The following CELSR2 variants were observed in gnomAD, a reference collection of about 807,000 sequenced individuals.
CELSR2 encodes EGF-like protein 2.
In CELSR2, 81 loss-of-function variants were observed where a neutral mutation model predicts 251.6. The ratio of observed to expected loss-of-function variants is 0.32; its 90% CI spans 0.27 to 0.39. The LOEUF is 0.39. CELSR2 is among the 10% of genes least tolerant of loss of function. CELSR2 has a pLI of 1.00. For synonymous variants in CELSR2, 1,721 were observed against 1,670.5 expected, an observed-to-expected ratio of 1.03 and a Z score of -0.74; for missense variants, 3,365 against 3,947.7, an observed-to-expected ratio of 0.85 and a Z score of 3.96.
intron 24 of CELSR2, 95 bp from the exon 25 acceptor site, chr1:109,270,832 C>G: frequency 1.9e-6 from 2 of 1,027,656 alleles, no homozygotes; most frequent in Non-Finnish European, 2.9e-6. Context: ...CTTTTCCATG[C>G]TTCATGCCTG....
In CELSR2 at chr1:109,252,350, G is replaced by C. The variant is rs1394612346; in HGVS notation, c.2271G>C (p.Gln757His). The C allele has an allele frequency of 6.2e-7, 1 of 1,613,060 alleles. No homozygotes were observed. The highest frequency in any genetic ancestry group is 8.5e-7 in the Non-Finnish European group (1 of 1,180,032). Residue 757 changes from glutamine to histidine, a missense_variant, in exon 1 of 34, where the codon CAG becomes CAC. Coordinates refer to ENST00000271332, the MANE Select transcript of CELSR2 (RefSeq NM_001408.3). This position sits in a 1 kb window ranked among gnomAD's most constrained non-coding sequence, Gnocchi z 4.8. ...ACTTCATGGAGGACAGCATCCCCCA[G>C]TTCCGCATCGATGCAGACACGGGGG... ...ITYFMEDSIP[Q>H]FRIDADTGAV...
rs1441854286 is a variant in CELSR2, at chr1:109,258,701, G to A, written c.3580G>A (p.Gly1194Arg). ...SLSVGQPPGP[G>R]GGPPFLPSED... ...GTCGGTGGGCCAGCCGCCAGGGCCC[G>A]GGGGCGGGCCGCCCTTCCTGCCCTC... is the stretch of plus-strand genomic sequence containing the variant. Residue 1194 changes from glycine (G) to arginine (R), a missense_variant, in exon 2 of 34, where the codon GGG becomes AGG. By Grantham distance (125) the Gly-to-Arg change is moderately radical (BLOSUM62 -2). Around this residue, in one of 5 missense-constraint regions of CELSR2, gnomAD observed 2,093 missense variants for 2,382.8 expected, o/e 0.88. Transcript: ENST00000271332. The A allele has an allele frequency of 4.5e-6, 7 of 1,549,662 alleles. No individual in the cohort carries two copies. Among genetic ancestry groups the A allele is most frequent in the Non-Finnish European group, 6.1e-6 (7 of 1,146,476 alleles).
At chr1:109,272,500 C>A in intron 29 of CELSR2, 95 bp downstream of exon 29, 1 of 1,524,926 alleles carries the variant, frequency 6.6e-7, no homozygotes. Context: ...GGAGCACACA[C>A]TGTGGCTGAC....
intron 1 of CELSR2, among the ~76,000 whole-genome samples, chr1:109,256,823 C>G (rs1557729097): frequency 6.6e-6 from 1 of 152,166 alleles, no homozygotes; most frequent in Non-Finnish European, 1.5e-5. Flanking sequence ...CCACGCCCAA[C>G]TAATTTTTGT....
intron 14 of CELSR2, 81 bp from the exon 15 acceptor site, chr1:109,266,024 A>AGGCCTGGGGAGGCCTGGGGT: frequency 2.5e-6 from 4 of 1,586,290 alleles, no homozygotes; most frequent in Middle Eastern, 1.8e-4. Context: ...AGGCCTGGGG[A>AGGCCTGGGGAGGCCTGGGGT]GGCCTAGGGA....
chr1:109,272,251 T>C (rs1656391325), intron 28 of CELSR2, 27 bp from the exon 29 acceptor site: 1 of 1,545,460 alleles, frequency 6.5e-7, no homozygotes, highest in Non-Finnish European at 8.8e-7. Context: ...CACTCCCCAC[T>C]TACTGACCTC....
In CELSR2 at chr1:109,249,930, G is replaced by A. The variant is rs958893426; in HGVS notation, c.-150G>A. 60 of 661,846 alleles carry A rather than the reference G, an allele frequency of 9.1e-5. No homozygotes were observed. The African/African-American group carries it at 1.1e-3, about 12-fold the overall frequency. 41.0% of individuals were successfully genotyped at this position (661,846 alleles called of 1,614,324 possible). On this transcript the variant is annotated 5_prime_UTR_variant, in exon 1 of 34. Coordinates refer to ENST00000271332, the MANE Select transcript of CELSR2 (RefSeq NM_001408.3). ...GGAGGGTGCAGCGCGGGGTCCCGCC[G>A]AGCCATCCAGACGCAGGCCCCGCGG...
chr1:109,255,275 CG>C (rs1235361007), intron 1 of CELSR2, among the ~76,000 whole-genome samples: 1 of 152,200 alleles, frequency 6.6e-6, no homozygotes, highest in East Asian at 1.9e-4. Flanking sequence ...CCTGCCCATG[CG>C]GAGCCCTGCA....
Position 109,269,220 on chromosome 1 carries a change from A to G in CELSR2, c.6742A>G (p.Ser2248Gly), listed in dbSNP as rs778255682. ...GCTGAGCCAGGGTGAGGCTGTGGCC[A>G]GCGTCATCATCTACCGCACCCTGGC... Reference protein sequence around the residue: ...PELSQGEAVASVIIYRTLAGL... With the variant: ...PELSQGEAVAGVIIYRTLAGL... Residue 2248 changes from serine (S) to glycine (G), a missense_variant, in exon 20 of 34, where the codon AGC becomes GGC. By Grantham distance (56) the Ser-to-Gly change is moderately conservative. This residue lies in a region of CELSR2 where 2,093 missense variants were observed against 2,382.8 expected (regional missense o/e 0.88). Coordinates refer to ENST00000271332, the MANE Select transcript of CELSR2 (RefSeq NM_001408.3). The surrounding 1 kb of genome is among the most constrained non-coding windows in gnomAD (Gnocchi z 6.4). 3.1e-6 allele frequency: 5 copies of G among 1,612,918 alleles called. No individual in the cohort carries two copies. The Admixed American group carries it at 8.3e-5, about 27-fold the overall frequency.
At position 109,250,175 on chromosome 1, in the gene CELSR2, C is replaced by T; in HGVS notation, c.96C>T (p.Asp32=). 2 of 1,600,770 alleles carry T rather than the reference C, an allele frequency of 1.2e-6. No homozygotes were observed. Among genetic ancestry groups the T allele is most frequent in the South Asian group, 1.1e-5 (1 of 89,952 alleles). The change falls in exon 1 of 34, where the codon GAC becomes GAT. Residue 32 remains aspartate (D), a synonymous_variant. Coordinates refer to ENST00000271332, the MANE Select transcript of CELSR2 (RefSeq NM_001408.3). The surrounding 1 kb of genome is among the most constrained non-coding windows in gnomAD (Gnocchi z 4.4). ...TGCTGCCGCCGCCACTATTGGGAGA[C>T]CAAGTGGGGCCCTGTCGTTCCTTGG... ...LLLLPPPLLG[D]QVGPCRSLGS...
Position 109,272,838 on chromosome 1 carries a change from G to A in CELSR2, c.8149G>A (p.Asp2717Asn). Reference sequence around the variant, plus strand: ...ATCTCTCCCTGGCCTCCTAGATCCTGACACGGACTCCGACAGTGACCTGTC... The same window carrying A: ...ATCTCTCCCTGGCCTCCTAGATCCTAACACGGACTCCGACAGTGACCTGTC... ...LEGQDQQHDP[D>N]TDSDSDLSLE... The change falls in exon 31 of 34, where the codon GAC becomes AAC. Residue 2717 changes from aspartate to asparagine, a missense_variant. By Grantham distance (23) the Asp-to-Asn change is conservative. Coordinates refer to ENST00000271332, the MANE Select transcript of CELSR2 (RefSeq NM_001408.3). The A allele has an allele frequency of 1.2e-6, 2 of 1,613,206 alleles. No individual in the cohort carries two copies. Among genetic ancestry groups the A allele is most frequent in the Non-Finnish European group, 8.5e-7 (1 of 1,179,314 alleles).
chr1:109,262,565 C>A, intron 6 of CELSR2, 121 bp downstream of exon 6: 1 of 1,413,724 alleles, frequency 7.1e-7, no homozygotes. Flanking sequence ...CCCTGCTCAG[C>A]CCTGGGGATG....
rs116619926 is a variant in CELSR2, at chr1:109,261,937, G to A, written c.4386+41G>A. On this transcript the variant is annotated intron_variant, in intron 5 of 33. Coordinates refer to ENST00000271332, the MANE Select transcript of CELSR2 (RefSeq NM_001408.3). This position sits in a 1 kb window ranked among gnomAD's most constrained non-coding sequence, Gnocchi z 4.8. ...ACAGAGGGTTGGGGGTTCTGTTCTT[G>A]CCTCAGGTGCTTACCCAGCCCTGAG... 4,271 of 1,538,258 alleles carry A rather than the reference G, an allele frequency of 2.8e-3. 99 individuals carry two copies. In the African/African-American group the frequency reaches 0.052, roughly 19 times the overall value.
At position 109,272,903 on chromosome 1, in the gene CELSR2, C is replaced by T. The variant is rs1656413390; in HGVS notation, c.8214C>T (p.His2738=). 1.2e-6 allele frequency: 2 copies of T among 1,613,912 alleles called. No individual in the cohort carries two copies. Among genetic ancestry groups the T allele is most frequent in the South Asian group, 2.2e-5 (2 of 91,084 alleles). ...DDQSGSYAST[H]SSDSEEEEEE... is the part of the protein sequence containing the mutation. Reference sequence around the variant, plus strand: ...AGAGTGGCTCCTATGCCTCTACCCACTCATCAGACAGTGAGGAGGAAGAAG... The same window carrying T: ...AGAGTGGCTCCTATGCCTCTACCCATTCATCAGACAGTGAGGAGGAAGAAG... Residue 2738 remains histidine, a synonymous_variant, in exon 31 of 34, where the codon CAC becomes CAT. Coordinates refer to ENST00000271332, the MANE Select transcript of CELSR2 (RefSeq NM_001408.3).
chr1:109,253,705 G>A (rs1394020459), intron 1 of CELSR2, among the ~76,000 whole-genome samples: 2 of 152,236 alleles, frequency 1.3e-5, no homozygotes, highest in Non-Finnish European at 2.9e-5. Flanking sequence ...TGTGAAAAAA[G>A]GCGCGTGGAA....
chr1:109,259,185 G>A (rs1655948750), intron 2 of CELSR2, 106 bp downstream of exon 2: 3 of 1,002,170 alleles, frequency 3.0e-6, no homozygotes, highest in African/African-American at 1.6e-5. Flanking sequence ...CTTCCCGAGT[G>A]AGGTGCAGCT....
chr1:109,269,505 G>A lies in CELSR2; in HGVS notation c.6894G>A (p.Leu2298=). 7 of 1,614,132 alleles carry A rather than the reference G, an allele frequency of 4.3e-6. No individual in the cohort carries two copies. The highest frequency in any genetic ancestry group is 5.9e-6 in the Non-Finnish European group (7 of 1,180,034). ...ATGAGGAGCTTCTGCCCCGGGCCCTGGACAAACCCGTCACGGTGCAGTTCC... is the reference window on the plus strand; with the variant it reads ...ATGAGGAGCTTCTGCCCCGGGCCCTAGACAAACCCGTCACGGTGCAGTTCC... ...HDDEELLPRA[L]DKPVTVQFRL... The change falls in exon 21 of 34, where the codon CTG becomes CTA. Residue 2298 remains leucine, a synonymous_variant. Coordinates refer to ENST00000271332, the MANE Select transcript of CELSR2 (RefSeq NM_001408.3). The surrounding 1 kb of genome is among the most constrained non-coding windows in gnomAD (Gnocchi z 6.4).
Position 109,273,660 on chromosome 1 carries a change from T to C in CELSR2, c.8734T>C (p.Ser2912Pro). ...GGCAGGCACGGTGGATGAGGACTCG[T>C]CAGGCTCCGAGTGAGTGTGGCCGGG... Reference protein sequence around the residue: ...IKAGTVDEDSSGSEFLFFNFL... With the variant: ...IKAGTVDEDSPGSEFLFFNFL... Residue 2912 changes from serine to proline, a missense_variant, in exon 33 of 34, where the codon TCA becomes CCA. Coordinates refer to ENST00000271332, the MANE Select transcript of CELSR2 (RefSeq NM_001408.3). 1.7e-6 allele frequency: 2 copies of C among 1,201,276 alleles called. No homozygotes were observed. The highest frequency in any genetic ancestry group is 2.3e-6 in the Non-Finnish European group (2 of 874,238). The allele number at this position is 1,201,276 out of a possible 1,614,324, so 74.4% of individuals were successfully genotyped here.
Position 109,269,774 on chromosome 1 carries a change from A to G in CELSR2, c.7061A>G (p.Asn2354Ser), listed in dbSNP as rs1656315868. The part of the protein sequence containing the change: ...RNESHVSCQC[N>S]HMTSFAVLMD... ...GAGAGCCACGTCAGCTGCCAGTGCA[A>G]CCACATGACGAGCTTCGCTGTGCTC... The change falls in exon 22 of 34, where the codon AAC (asparagine) becomes AGC (serine). Residue 2354 changes from asparagine (N) to serine (S), a missense_variant. Asn to Ser is a conservative substitution (Grantham distance 46). This residue lies in a region of CELSR2 where 2,093 missense variants were observed against 2,382.8 expected (regional missense o/e 0.88). Transcript: ENST00000271332. The surrounding 1 kb of genome is among the most constrained non-coding windows in gnomAD (Gnocchi z 6.4). 1 of 1,613,398 alleles carries G rather than the reference A, an allele frequency of 6.2e-7. No individual in the cohort carries two copies. Among genetic ancestry groups the G allele is most frequent in the Non-Finnish European group, 8.5e-7 (1 of 1,179,980 alleles).
Sources: allele counts gnomAD v4.1 joint callset (sites outside exome capture counted in the v4.1 genomes callset), GRCh38; gene constraint gnomAD v4.1.1; regional missense constraint gnomAD v4.1.1; non-coding constraint Gnocchi (gnomAD v3.1); transcripts MANE v1.5; gene names NCBI Gene and HGNC (gene_info 2026-07-23, HGNC 2026-07-21).